The following ZNF704 variants were observed in gnomAD, a reference collection of about 807,000 sequenced individuals.
The protein encoded by ZNF704 is glucocorticoid induced gene 1.
In ZNF704, 10 loss-of-function variants were observed where a neutral mutation model predicts 44.7. The ratio of observed to expected loss-of-function variants is 0.22; its 90% CI spans 0.14 to 0.38. ZNF704 has a LOEUF of 0.38. Ranked by LOEUF, ZNF704 falls within the 10% of genes least tolerant of loss-of-function variation. The probability of loss-of-function intolerance (pLI) is 1.00; values close to 1 mark genes in which losing one functional copy is unlikely to be tolerated. For synonymous variants in ZNF704, 211 were observed against 207.6 expected (o/e 1.02, Z -0.14); for missense variants, 390 against 545.5 (o/e 0.71, Z 2.84).
At chr8:80,744,939 A>C (rs1806820122) in intron 2 of ZNF704, among the ~76,000 whole-genome samples, 1 of 152,224 alleles carries the variant, frequency 6.6e-6, no homozygotes, top group Admixed American at 6.5e-5. Flanking sequence ...AATGAAAGTA[A>C]TACAAAACAA....
At chr8:80,744,952 A>G (rs964847867) in intron 2 of ZNF704, among the ~76,000 whole-genome samples, 4 of 152,222 alleles carry the variant, frequency 2.6e-5, no homozygotes, top group Non-Finnish European at 5.9e-5. Flanking sequence ...CAAAACAAAC[A>G]GAAATGACAC....
rs114636051 is a variant in ZNF704, at chr8:80,720,554, T to G, written c.222-27447A>C. Among the ~76,000 whole-genome samples, 226 of 152,334 alleles carry G rather than the reference T, an allele frequency of 1.5e-3. 2 individuals are homozygous for G. Among genetic ancestry groups the G allele is most frequent in the African/African-American group, 5.2e-3 (215 of 41,570 alleles). On this transcript the variant is annotated intron_variant, in intron 2 of 8. Coordinates refer to ENST00000327835, the MANE Select transcript of ZNF704 (RefSeq NM_001033723.3). The stretch of plus-strand genomic sequence containing the variant: ...TCAGCAATAGAGATGGCTAACTATC[T>G]GGGTAAGGAAAGGAATTGTTCTTCT...
intron 2 of ZNF704, among the ~76,000 whole-genome samples, chr8:80,797,787 C>G (rs1488987354): frequency 2.6e-5 from 4 of 152,190 alleles, no homozygotes. Context: ...CATCCCTTCT[C>G]TCTGTACTGA....
intron 1 of ZNF704, among the ~76,000 whole-genome samples, chr8:80,861,798 C>T (rs1809065639): frequency 6.6e-6 from 1 of 151,540 alleles, no homozygotes; most frequent in Non-Finnish European, 1.5e-5. Flanking sequence ...TTCCAGCCTA[C>T]CTGACGTCTC....
At chr8:80,802,277 T>C (rs1344084548) in intron 2 of ZNF704, among the ~76,000 whole-genome samples, 2 of 151,434 alleles carry the variant, frequency 1.3e-5, no homozygotes, top group Admixed American at 1.3e-4. Context: ...CTGGTACTAT[T>C]TCTACTGAAA....
intron 2 of ZNF704, among the ~76,000 whole-genome samples, chr8:80,748,533 A>G (rs2131702540): frequency 1.3e-5 from 2 of 152,336 alleles, no homozygotes; most frequent in South Asian, 4.1e-4. Context: ...AGATCCCCCT[A>G]GGCCCAAACC....
chr8:80,749,659 T>A (rs1806907879), intron 2 of ZNF704: 2 of 153,282 alleles, frequency 1.3e-5, no homozygotes. Flanking sequence ...AATTGAGTTG[T>A]CCTATGTGTG....
chr8:80,831,743 C>T (rs1326854380), intron 1 of ZNF704, among the ~76,000 whole-genome samples: 1 of 152,178 alleles, frequency 6.6e-6, no homozygotes. Context: ...GGGAGGGCTT[C>T]TCACAGCTAT....
At chr8:80,838,009 A>G (rs1808610552) in intron 1 of ZNF704, among the ~76,000 whole-genome samples, 1 of 152,088 alleles carries the variant, frequency 6.6e-6, no homozygotes, top group Non-Finnish European at 1.5e-5. Flanking sequence ...GGGTTGCTCT[A>G]AAGATCACCA....
At chr8:80,857,601 T>C (rs552950748) in intron 1 of ZNF704, among the ~76,000 whole-genome samples, 20 of 152,318 alleles carry the variant, frequency 1.3e-4, no homozygotes, top group African/African-American at 4.8e-4. Flanking sequence ...TAATGTATCA[T>C]ACATTTTATA....
At chr8:80,709,134 TG>T (rs963357585) in intron 2 of ZNF704, among the ~76,000 whole-genome samples, 11 of 152,100 alleles carry the variant, frequency 7.2e-5, no homozygotes, top group Non-Finnish European at 1.3e-4. Context: ...TGCTTTCCTT[TG>T]TAAGTAGGAA....
At chr8:80,785,735 T>C (rs1807603555) in intron 2 of ZNF704, among the ~76,000 whole-genome samples, 1 of 152,186 alleles carries the variant, frequency 6.6e-6, no homozygotes, top group Non-Finnish European at 1.5e-5. Flanking sequence ...CTTTCTGGTA[T>C]TATAAGATTC....
chr8:80,743,203 A>G (rs1806791381), intron 2 of ZNF704, among the ~76,000 whole-genome samples: 1 of 150,352 alleles, frequency 6.7e-6, no homozygotes, highest in Admixed American at 6.6e-5. Flanking sequence ...AAAAAAAAAA[A>G]AAAAAAAAAA....
At chr8:80,870,603 T>C (rs1809234948) in intron 1 of ZNF704, among the ~76,000 whole-genome samples, 1 of 152,206 alleles carries the variant, frequency 6.6e-6, no homozygotes, top group African/African-American at 2.4e-5. Flanking sequence ...TATTGGACTT[T>C]AGATTTTCTA....
intron 6 of ZNF704, among the ~76,000 whole-genome samples, chr8:80,661,202 G>A (rs752880515): frequency 4.6e-5 from 7 of 152,010 alleles, no homozygotes; most frequent in South Asian, 2.1e-4. Context: ...AATGCTCAAC[G>A]TCACTAATAT....
rs969948426 is a variant in ZNF704 at position 80,635,121 on chromosome 8, T to C, written c.*6245A>G. ...AGCTTTGCTTTTGATGTTATCTGCATACTTGGCTAATTAGGCTAGCTTTTG... is the reference window on the plus strand; with the variant it reads ...AGCTTTGCTTTTGATGTTATCTGCACACTTGGCTAATTAGGCTAGCTTTTG... On this transcript the variant is annotated 3_prime_UTR_variant, in exon 9 of 9. Transcript: ENST00000327835. 4 of 152,366 alleles carry C rather than the reference T, an allele frequency of 2.6e-5. No individual in the cohort carries two copies. The highest frequency in any genetic ancestry group is 9.6e-5 in the African/African-American group (4 of 41,586). The allele number at this position is 152,366 out of a possible 1,614,324, so 9.4% of individuals were successfully genotyped here. A position where few individuals can be genotyped will look rare whatever the true frequency, so the allele number is the denominator to read the frequency against.
chr8:80,644,230 C>G (rs1447733765), intron 7 of ZNF704, among the ~76,000 whole-genome samples: 1 of 152,146 alleles, frequency 6.6e-6, no homozygotes, highest in East Asian at 1.9e-4. Flanking sequence ...AGACCCAGGG[C>G]TGTGCTGCAG....
In ZNF704 at chr8:80,738,439, A is replaced by G. The variant is rs148539545; in HGVS notation, c.222-45332T>C. ...TTTATTCTATTATTTAATGTTTACA[A>G]CAATCCTATAAGGACTATCGTTGTT... On this transcript the variant is annotated intron_variant, in intron 2 of 8. Coordinates refer to ENST00000327835, the MANE Select transcript of ZNF704 (RefSeq NM_001033723.3). 5.3e-3 allele frequency among the ~76,000 whole-genome samples: 809 copies of G among 152,304 alleles called. 5 individuals are homozygous for G. The highest frequency in any genetic ancestry group is 8.5e-3 in the Non-Finnish European group (581 of 68,018).
At chr8:80,867,505 G>C (rs1809175013) in intron 1 of ZNF704, among the ~76,000 whole-genome samples, 1 of 151,956 alleles carries the variant, frequency 6.6e-6, no homozygotes, top group South Asian at 2.1e-4. Flanking sequence ...AGATGGACCA[G>C]GCATACCACC....
Sources: allele counts gnomAD v4.1 joint callset (sites outside exome capture counted in the v4.1 genomes callset), GRCh38; gene constraint gnomAD v4.1.1; transcripts MANE v1.5; gene names NCBI Gene and HGNC (gene_info 2026-07-23, HGNC 2026-07-21).